Variants in TMEM9 observed in about 807,000 individuals in gnomAD.
TMEM9 encodes proton-transporting V-type ATPase complex assembly regulator TMEM9.
Under a neutral mutation model 22.8 loss-of-function variants are expected in TMEM9, and 13 were observed. That is an observed-to-expected ratio of 0.57 (90% CI 0.37 to 0.91). The LOEUF is 0.91. Among genes scored for constraint, TMEM9 ranks in the 40% least tolerant of loss-of-function variants. The probability of loss-of-function intolerance (pLI) is 0.01; values close to 1 mark genes in which losing one functional copy is unlikely to be tolerated. For missense variants in TMEM9, 182 were observed against 238.1 expected (o/e 0.76, Z 1.55); for synonymous variants, 88 against 93.0 (o/e 0.95, Z 0.31).
chr1:201,171,174 G>T (rs1184229910), intron 1 of TMEM9, among the ~76,000 whole-genome samples: 1 of 152,194 alleles, frequency 6.6e-6, no homozygotes, highest in African/African-American at 2.4e-5. Context: ...GAAGGATTGC[G>T]GGGGGCGGTG....
At position 201,154,252 on chromosome 1, in the gene TMEM9, C is replaced by T. The variant is rs1255497286; in HGVS notation, c.-329G>A. On this transcript the variant is annotated 5_prime_UTR_variant, in exon 1 of 5. Transcript: ENST00000367330. Reference sequence around the variant, plus strand: ...CCCGCGCATCACGTCCCACCGCCCTCCGCCATCTCCGCCTCTGCCCGCCCC... The same window carrying T: ...CCCGCGCATCACGTCCCACCGCCCTTCGCCATCTCCGCCTCTGCCCGCCCC... The T allele has an allele frequency of 8.3e-6, 2 of 240,102 alleles. No homozygotes were observed. The highest frequency in any genetic ancestry group is 4.6e-5 in the African/African-American group (2 of 43,624). The allele number at this position is 240,102 out of a possible 1,614,324, so 14.9% of individuals were successfully genotyped here.
chr1:201,139,747 G>A (rs972149253), intron 4 of TMEM9, among the ~76,000 whole-genome samples: 6 of 152,236 alleles, frequency 3.9e-5, no homozygotes, highest in Admixed American at 2.0e-4. Context: ...TTAAGGACGA[G>A]CAAACACTTG....
intron 1 of TMEM9, among the ~76,000 whole-genome samples, chr1:201,168,218 A>G (rs1666124280): frequency 6.6e-6 from 1 of 152,146 alleles, no homozygotes; most frequent in Admixed American, 6.5e-5. Flanking sequence ...AGCTACTACT[A>G]TTGTAAATGT....
intron 4 of TMEM9, among the ~76,000 whole-genome samples, 196 bp downstream of exon 4, chr1:201,143,624 C>T (rs1290034855): frequency 6.6e-6 from 1 of 152,210 alleles, no homozygotes; most frequent in Non-Finnish European, 1.5e-5. Context: ...CTGCTTGATG[C>T]CCGGTGTCCT....
At chr1:201,136,674 AC>A (rs1488814962) in intron 4 of TMEM9, among the ~76,000 whole-genome samples, 1 of 151,772 alleles carries the variant, frequency 6.6e-6, no homozygotes, top group African/African-American at 2.4e-5. Flanking sequence ...TCCCCTAATT[AC>A]CACTTCTCTG....
In TMEM9 at chr1:201,135,822, T is replaced by C; in HGVS notation, c.400-7A>G. 3 of 1,581,028 alleles carry C rather than the reference T, an allele frequency of 1.9e-6. No individual in the cohort carries two copies. The highest frequency in any genetic ancestry group is 2.3e-5 in the South Asian group (2 of 86,346). On this transcript the variant is annotated splice_region_variant and splice_polypyrimidine_tract_variant and intron_variant, in intron 4 of 4. Coordinates refer to ENST00000367330, the MANE Select transcript of TMEM9 (RefSeq NM_001288565.2). ...CTGCCATAGAGCGAGCATCCTGTAG[T>C]GGGAAGAAAAAAAGAGAAGATCTGG... is the stretch of plus-strand genomic sequence containing the variant.
At position 201,143,971 on chromosome 1, in the gene TMEM9, GC is replaced by G; in HGVS notation, c.268-21del. 1 of 1,613,616 alleles carries G rather than the reference GC, an allele frequency of 6.2e-7. No individual in the cohort carries two copies. Among genetic ancestry groups the G allele is most frequent in the Non-Finnish European group, 8.5e-7 (1 of 1,179,742 alleles). On this transcript the variant is annotated intron_variant, in intron 3 of 4. Coordinates refer to ENST00000367330, the MANE Select transcript of TMEM9 (RefSeq NM_001288565.2). ...GATGACCTGAGGAAGAGACCGGCGT[GC>G]CTATGAACCATTATCTGAGGCCAGG...
upstream of TMEM9, among the ~76,000 whole-genome samples, chr1:201,158,929 G>T (rs532680157): frequency 6.6e-6 from 1 of 152,282 alleles, no homozygotes; most frequent in African/African-American, 2.4e-5. Context: ...TGGTGCTCCT[G>T]GATAGGGGAT....
Position 201,135,490 on chromosome 1 carries a change from A to C in TMEM9, c.*173T>G. The C allele has an allele frequency of 1.6e-6, 1 of 635,256 alleles. No individual in the cohort carries two copies. Among genetic ancestry groups the C allele is most frequent in the Non-Finnish European group, 2.5e-6 (1 of 394,494 alleles). The allele number at this position is 635,256 out of a possible 1,614,324, so 39.4% of individuals were successfully genotyped here. ...ATCAGAGACCACATCCCTCTTCCCT[A>C]ATCAAAATAGCCAAGTACAACATTT... On this transcript the variant is annotated 3_prime_UTR_variant, in exon 5 of 5. Transcript: ENST00000367330.
At position 201,135,735 on chromosome 1, in the gene TMEM9, G is replaced by T. The variant is rs373190850; in HGVS notation, c.480C>A (p.Ala160=). 6.2e-7 allele frequency: 1 copy of T among 1,613,932 alleles called. No individual in the cohort carries two copies. The highest frequency in any genetic ancestry group is 8.5e-7 in the Non-Finnish European group (1 of 1,179,924). The part of the protein sequence containing the change: ...ANTVLERVEG[A]QQRWKLQVQE... ...GCACCTGCAGCTTCCACCGCTGCTG[G>T]GCACCTTCCACACGCTCCAGGACTG... The change falls in exon 5 of 5, where the codon GCC becomes GCA. Residue 160 remains alanine, a synonymous_variant. Coordinates refer to ENST00000367330, the MANE Select transcript of TMEM9 (RefSeq NM_001288565.2).
upstream of TMEM9, among the ~76,000 whole-genome samples, chr1:201,159,444 C>T (rs1194719437): frequency 2.0e-5 from 3 of 151,782 alleles, no homozygotes; most frequent in East Asian, 1.9e-4. Context: ...CCTGGACAAG[C>T]ACGCTGTTTT....
intron 1 of TMEM9, among the ~76,000 whole-genome samples, chr1:201,164,081 A>G (rs147614029): frequency 5.3e-5 from 8 of 152,266 alleles, no homozygotes; most frequent in African/African-American, 1.9e-4. Flanking sequence ...CTATTGATAG[A>G]TGCAACAACT....
intron 1 of TMEM9, among the ~76,000 whole-genome samples, chr1:201,163,832 C>G (rs1421265253): frequency 2.6e-5 from 4 of 152,070 alleles, no homozygotes; most frequent in Non-Finnish European, 4.4e-5. Flanking sequence ...TTCTTTAAAA[C>G]TAAACCTGGA....
Position 201,153,985 on chromosome 1 carries a change from G to C in TMEM9, c.-62C>G. The stretch of plus-strand genomic sequence containing the variant: ...CTGGAAAAAGAGATACGGAGTCGGA[G>C]AAGGGGAAGGTGGCCACACCGCAGC... On this transcript the variant is annotated 5_prime_UTR_variant, in exon 1 of 5. Coordinates refer to ENST00000367330, the MANE Select transcript of TMEM9 (RefSeq NM_001288565.2). The C allele has an allele frequency of 6.4e-7, 1 of 1,552,860 alleles. No individual in the cohort carries two copies.
chr1:201,165,499 C>T (rs758648852), intron 1 of TMEM9, among the ~76,000 whole-genome samples: 48 of 150,960 alleles, frequency 3.2e-4, no homozygotes, highest in African/African-American at 4.9e-4. Context: ...TGCAATGGCG[C>T]GATCTTGACT....
intron 3 of TMEM9, chr1:201,145,732 T>G (rs1454903277): frequency 6.6e-6 from 1 of 152,210 alleles, no homozygotes; most frequent in Non-Finnish European, 1.5e-5. Context: ...AAGCCAAGGC[T>G]GGAGCAGTGC....
upstream of TMEM9, among the ~76,000 whole-genome samples, chr1:201,158,893 T>C (rs958224663): frequency 7.9e-5 from 12 of 152,172 alleles, no homozygotes; most frequent in Admixed American, 4.6e-4. Flanking sequence ...GGGTCTGGGT[T>C]CTTCCTCACT....
intron 1 of TMEM9, among the ~76,000 whole-genome samples, chr1:201,152,692 G>A (rs1390784233): frequency 6.6e-6 from 1 of 152,156 alleles, no homozygotes; most frequent in Non-Finnish European, 1.5e-5. Flanking sequence ...GCTACTACAG[G>A]TGGTAGTACT....
At chr1:201,168,447 G>A (rs1437436950) in intron 1 of TMEM9, among the ~76,000 whole-genome samples, 1 of 152,170 alleles carries the variant, frequency 6.6e-6, no homozygotes, top group Admixed American at 6.5e-5. Context: ...GGCCAGGCAT[G>A]GTGGCTCACG....
Sources: allele counts gnomAD v4.1 joint callset (sites outside exome capture counted in the v4.1 genomes callset), GRCh38; gene constraint gnomAD v4.1.1; transcripts MANE v1.5; gene names NCBI Gene and HGNC (gene_info 2026-07-23, HGNC 2026-07-21).